The following UGT2B11 variants were observed in gnomAD, a reference collection of about 807,000 sequenced individuals.
UGT2B11 encodes the protein UDP glucuronosyltransferase family 2 member B11.
Under a neutral mutation model 51.7 loss-of-function variants are expected in UGT2B11, and 49 were observed. The ratio of observed to expected loss-of-function variants is 0.95; its 90% confidence interval spans 0.75 to 1.20. The LOEUF is 1.20. Among genes scored for constraint, UGT2B11 ranks in the 50% most tolerant of loss-of-function variants. The pLI is 0.00. For missense variants in UGT2B11, 810 were observed against 622.1 expected (o/e 1.30, Z -3.21); for synonymous variants, 273 against 209.0 (o/e 1.31, Z -2.64).
intron 2 of UGT2B11, 72 bp from the exon 3 acceptor site, chr4:69,208,554 A>G: frequency 6.4e-7 from 1 of 1,558,988 alleles, no homozygotes. Flanking sequence ...ATTGGTACCA[A>G]ATATTAAAGA....
At chr4:69,215,000 G>A, upstream of UGT2B11, 4 of 378,786 alleles carry the variant, frequency 1.1e-5, no homozygotes, top group Non-Finnish European at 1.9e-5. Context: ...CTTTATAATA[G>A]TGTCAAGAAC....
chr4:69,209,138 T>C (rs1721965849), intron 2 of UGT2B11, among the ~76,000 whole-genome samples: 1 of 151,674 alleles, frequency 6.6e-6, no homozygotes, highest in South Asian at 2.1e-4. Context: ...AGTATTGTGA[T>C]TTGGAATTTT....
chr4:69,206,784 A>G (rs1324859229), intron 3 of UGT2B11, among the ~76,000 whole-genome samples: 1 of 151,642 alleles, frequency 6.6e-6, no homozygotes. Flanking sequence ...ATTAGTTTTC[A>G]TCTCCAAATT....
upstream of UGT2B11, among the ~76,000 whole-genome samples, chr4:69,217,521 A>T (rs1021435470): frequency 1.3e-5 from 2 of 152,022 alleles, no homozygotes; most frequent in Admixed American, 1.3e-4. Context: ...TGATGAAGTG[A>T]TTAACAACTG....
At position 69,214,356 on chromosome 4, in the gene UGT2B11, A is replaced by T. The variant is rs748002147; in HGVS notation, c.367T>A (p.Phe123Ile). Residue 123 changes from phenylalanine to isoleucine, a missense_variant, in exon 1 of 6, where the codon TTT becomes ATT. Transcript: ENST00000446444. ...ACTACATCTTTACAGAAGTTTCTAA[A>T]TATGTCATATAATTCCCACAGGATT... ...QEILWELYDIFRNFCKDVVSN... is the reference protein window; with the variant it reads ...QEILWELYDIIRNFCKDVVSN... The T allele has an allele frequency of 6.2e-7, 1 of 1,612,570 alleles. No individual in the cohort carries two copies. Among genetic ancestry groups the T allele is most frequent in the East Asian group, 2.2e-5 (1 of 44,786 alleles).
chr4:69,217,582 A>G (rs1398473189), upstream of UGT2B11, among the ~76,000 whole-genome samples: 1 of 152,024 alleles, frequency 6.6e-6, no homozygotes, highest in African/African-American at 2.4e-5. Flanking sequence ...GCTGAAAGCT[A>G]TCTAGTATAA....
At chr4:69,206,023 G>T (rs1400341181) in intron 3 of UGT2B11, among the ~76,000 whole-genome samples, 1 of 151,592 alleles carries the variant, frequency 6.6e-6, no homozygotes, top group African/African-American at 2.4e-5. Context: ...TACTCTGTTG[G>T]TTGGAATGTA....
intron 2 of UGT2B11, among the ~76,000 whole-genome samples, 160 bp from the exon 3 acceptor site, chr4:69,208,642 G>T (rs1250611551): frequency 1.3e-5 from 2 of 151,608 alleles, no homozygotes; most frequent in Non-Finnish European, 3.0e-5. Flanking sequence ...TTTGCAAGAA[G>T]ATGTTTGAGA....
chr4:69,218,836 CA>C (rs1397540363), upstream of UGT2B11, among the ~76,000 whole-genome samples: 1 of 152,108 alleles, frequency 6.6e-6, no homozygotes, highest in Non-Finnish European at 1.5e-5. Context: ...GACCTATTCA[CA>C]AAAGTCCCTG....
At chr4:69,210,903 A>C (rs1459509351) in intron 2 of UGT2B11, among the ~76,000 whole-genome samples, 1 of 151,660 alleles carries the variant, frequency 6.6e-6, no homozygotes, top group Non-Finnish European at 1.5e-5. Context: ...TATTAATTTA[A>C]AATATGTGAG....
Position 69,212,942 on chromosome 4 carries a change from G to A in UGT2B11, c.722-221C>T, listed in dbSNP as rs542265407. ...TGGTGGGAGAATTATGAGGTTAAGC[G>A]ACATCTCTAATGTCAAGTCAGTATA... On this transcript the variant is annotated intron_variant, in intron 1 of 5. Transcript: ENST00000446444. Among the ~76,000 whole-genome samples the A allele has an allele frequency of 2.5e-4, 38 of 151,132 alleles. No homozygotes were observed. In the South Asian group the frequency reaches 4.4e-3, roughly 17 times the overall value.
chr4:69,211,998 C>T (rs572710500), intron 2 of UGT2B11, among the ~76,000 whole-genome samples: 15 of 151,518 alleles, frequency 9.9e-5, no homozygotes, highest in South Asian at 8.3e-4. Flanking sequence ...ATCTGCTTTC[C>T]CTTTTTGTCT....
At position 69,214,616 on chromosome 4, in the gene UGT2B11, C is replaced by A; in HGVS notation, c.107G>T (p.Trp36Leu). ...VLVWAAEYSH[W>L]MNMKTILKEL... ...TTTCAGGATTGTCTTCATATTCATCCAATGGCTGTATTCTGCGGCCCACAC... is the reference window on the plus strand; with the variant it reads ...TTTCAGGATTGTCTTCATATTCATCAAATGGCTGTATTCTGCGGCCCACAC... The change falls in exon 1 of 6, where the codon TGG becomes TTG. Residue 36 changes from tryptophan (W) to leucine (L), a missense_variant. By Grantham distance (61) the Trp-to-Leu change is moderately conservative. Transcript: ENST00000446444. 1 of 1,613,244 alleles carries A rather than the reference C, an allele frequency of 6.2e-7. No homozygotes were observed. Among genetic ancestry groups the A allele is most frequent in the East Asian group, 2.2e-5 (1 of 44,824 alleles).
rs1165798533 is a variant in UGT2B11 at position 69,200,864 on chromosome 4, T to C, written c.1311-145A>G. 4 of 1,097,030 alleles carry C rather than the reference T, an allele frequency of 3.6e-6. No individual in the cohort carries two copies. The South Asian group carries it at 9.4e-5, about 26-fold the overall frequency. The allele number at this position is 1,097,030 out of a possible 1,614,324, so 68.0% of individuals were successfully genotyped here. A position where few individuals can be genotyped will look rare whatever the true frequency, so the allele number is the denominator to read the frequency against. On this transcript the variant is annotated intron_variant, in intron 5 of 5. Transcript: ENST00000446444. The stretch of plus-strand genomic sequence containing the variant: ...GAGAATTTGTGTATTTTAATTTGAG[T>C]TATCATAGATAGTTTGGCTTTTAAA...
chr4:69,209,727 C>T lies in UGT2B11; in HGVS notation c.871-1245G>A, dbSNP rs567251868. ...TAGGTGTTGCGTGTGATTGCAGTTA[C>T]CTGTAGCCACATTTAATGTAACTCG... On this transcript the variant is annotated intron_variant, in intron 2 of 5. Transcript: ENST00000446444. 7.9e-3 allele frequency among the ~76,000 whole-genome samples: 1,200 copies of T among 151,550 alleles called. 14 individuals are homozygous for T. Among genetic ancestry groups the T allele is most frequent in the African/African-American group, 0.027 (1,136 of 41,408 alleles).
the UGT2B11 span, among the ~76,000 whole-genome samples, chr4:69,223,572 A>C: frequency 5.9e-5 from 9 of 152,298 alleles, no homozygotes; most frequent in African/African-American, 1.9e-4. Context: ...AAGGCCTGGG[A>C]CTGAGGCACC....
At chr4:69,206,246 T>A (rs1276744458) in intron 3 of UGT2B11, among the ~76,000 whole-genome samples, 1 of 151,470 alleles carries the variant, frequency 6.6e-6, no homozygotes, top group African/African-American at 2.4e-5. Flanking sequence ...AATTATGGAA[T>A]GAATAAAGAA....
chr4:69,211,967 G>C (rs1031264454), intron 2 of UGT2B11, among the ~76,000 whole-genome samples: 10 of 151,396 alleles, frequency 6.6e-5, no homozygotes, highest in African/African-American at 9.7e-5. Flanking sequence ...CTGAGGACTT[G>C]AGAACTGTCC....
rs1201729103 is a variant in UGT2B11 at position 69,200,201 on chromosome 4, T to C, written c.*239A>G. The stretch of plus-strand genomic sequence containing the variant: ...AATATGAGCTCAAATGGCTTTATAT[T>C]ATTTTTTAATTTTCCTAGTATTTTC... On this transcript the variant is annotated 3_prime_UTR_variant, in exon 6 of 6. Coordinates refer to ENST00000446444, the MANE Select transcript of UGT2B11 (RefSeq NM_001073.3). 2.3e-6 allele frequency: 1 copy of C among 429,238 alleles called. No individual in the cohort carries two copies. The highest frequency in any genetic ancestry group is 3.6e-6 in the Non-Finnish European group (1 of 275,296). 26.6% of individuals were successfully genotyped at this position (429,238 alleles called of 1,614,324 possible). A position where few individuals can be genotyped will look rare whatever the true frequency, so the allele number is the denominator to read the frequency against.
Sources: gnomAD v4.1 joint callset for allele counts (sites outside exome capture counted in the v4.1 genomes callset) on GRCh38, gnomAD v4.1.1 for gene constraint, MANE v1.5 for transcripts, NCBI Gene and HGNC (gene_info 2026-07-23, HGNC 2026-07-21) for gene names.